Variants in KCND3 observed in about 807,000 individuals in gnomAD.
KCND3 encodes the protein A-type voltage-gated potassium channel KCND3.
Under a neutral mutation model 51.1 loss-of-function variants are expected in KCND3, and 9 were observed. The observed-to-expected ratio is 0.18, with a 90% CI of 0.11 to 0.31. The LOEUF (loss-of-function observed/expected upper bound fraction) is 0.31, where lower values mean the gene tolerates loss of function less well. Among genes scored for constraint, KCND3 ranks in the 10% least tolerant of loss-of-function variants. The pLI, the probability that KCND3 is intolerant of heterozygous loss-of-function variation, is 1.00. For missense variants in KCND3, 526 were observed against 903.8 expected (o/e 0.58, Z 5.36); for synonymous variants, 349 against 368.0 (o/e 0.95, Z 0.59).
At chr1:111,794,935 C>G (rs1664991575) in intron 2 of KCND3, among the ~76,000 whole-genome samples, 1 of 152,208 alleles carries the variant, frequency 6.6e-6, no homozygotes, top group African/African-American at 2.4e-5. Context: ...GACCAGGTCC[C>G]TTTGATTCCA....
At chr1:111,779,271 G>A (rs1664266579) in intron 5 of KCND3, among the ~76,000 whole-genome samples, 1 of 151,842 alleles carries the variant, frequency 6.6e-6, no homozygotes, top group Non-Finnish European at 1.5e-5. Context: ...GACCAGCCTG[G>A]GCAACATAGC....
At chr1:111,877,806 T>C (rs1571782610) in intron 2 of KCND3, among the ~76,000 whole-genome samples, 1 of 152,314 alleles carries the variant, frequency 6.6e-6, no homozygotes, top group Non-Finnish European at 1.5e-5. Context: ...TGGCTGCTAA[T>C]GGGAGCCAGC....
intron 2 of KCND3, among the ~76,000 whole-genome samples, chr1:111,962,015 G>A (rs2101933612): frequency 6.6e-6 from 1 of 152,282 alleles, no homozygotes; most frequent in East Asian, 1.9e-4. Context: ...TTATTTACCA[G>A]TAACAGCTCT....
chr1:111,908,170 A>G (rs1159582206), intron 2 of KCND3, among the ~76,000 whole-genome samples: 1 of 152,116 alleles, frequency 6.6e-6, no homozygotes, highest in Non-Finnish European at 1.5e-5. Context: ...TCAAGATTTG[A>G]CTGACATTTA....
chr1:111,921,814 GAAAA>G (rs1177083328), intron 2 of KCND3, among the ~76,000 whole-genome samples: 9 of 151,846 alleles, frequency 5.9e-5, no homozygotes, highest in South Asian at 4.2e-4. Context: ...TTCATTGCAT[GAAAA>G]AAAAGCTGAA....
chr1:111,982,491 G>T lies in KCND3; in HGVS notation c.236C>A (p.Thr79Asn). Residue 79 changes from threonine to asparagine, a missense_variant, in exon 2 of 8, where the codon ACC (threonine) becomes AAC (asparagine). By Grantham distance (65) the Thr-to-Asn change is moderately conservative (BLOSUM62 0). Coordinates refer to ENST00000302127, the MANE Select transcript of KCND3 (RefSeq NM_001378969.1). This position sits in a 1 kb window ranked among gnomAD's most constrained non-coding sequence, Gnocchi z 8.5. ...GTCCCGGTCGAAGAAGTACTCCTTG[G>T]TGTCCTCGTTGAAGAAGAACTCCTT... is the stretch of plus-strand genomic sequence containing the variant. ...TEKEFFFNED[T>N]KEYFFDRDPE... 1 of 1,608,948 alleles carries T rather than the reference G, an allele frequency of 6.2e-7. No individual in the cohort carries two copies. Among genetic ancestry groups the T allele is most frequent in the Non-Finnish European group, 8.5e-7 (1 of 1,175,942 alleles).
Position 111,771,494 on chromosome 1 carries a change from A to T in KCND3, c.*4583T>A, listed in dbSNP as rs573693237. 1.3e-5 allele frequency: 2 copies of T among 152,324 alleles called. No individual in the cohort carries two copies. Among genetic ancestry groups the T allele is most frequent in the East Asian group, 3.9e-4 (2 of 5,186 alleles). The allele number at this position is 152,324 out of a possible 1,614,324, so 9.4% of individuals were successfully genotyped here. A position where few individuals can be genotyped will look rare whatever the true frequency, so the allele number is the denominator to read the frequency against. On this transcript the variant is annotated 3_prime_UTR_variant, in exon 8 of 8. Coordinates refer to ENST00000302127, the MANE Select transcript of KCND3 (RefSeq NM_001378969.1). The stretch of plus-strand genomic sequence containing the variant: ...TATTTTTGCCTTATAGTTACCTGGT[A>T]ATTGAAGTGGGAGACTGGAAAACTG...
rs624615 is a variant in KCND3 at position 111,877,040 on chromosome 1, G to A, written c.1107-89934C>T. Among the ~76,000 whole-genome samples the A allele has an allele frequency of 8.0e-3, 1,226 of 152,334 alleles. 15 individuals carry two copies. Among genetic ancestry groups the A allele is most frequent in the African/African-American group, 0.028 (1,179 of 41,558 alleles). ...CCAAACACATTTAGAAAAGTGCCTA[G>A]TATGTGCCAGGCTCTGTGCTAAATG... On this transcript the variant is annotated intron_variant, in intron 2 of 7. Coordinates refer to ENST00000302127, the MANE Select transcript of KCND3 (RefSeq NM_001378969.1).
At chr1:111,782,389 A>C (rs1557934303) in intron 3 of KCND3, among the ~76,000 whole-genome samples, 1 of 151,918 alleles carries the variant, frequency 6.6e-6, no homozygotes, top group East Asian at 1.9e-4. Context: ...CTCTTGATGA[A>C]GGAGAGAATA....
intron 2 of KCND3, among the ~76,000 whole-genome samples, chr1:111,952,307 C>A (rs1418192171): frequency 6.6e-6 from 1 of 152,176 alleles, no homozygotes; most frequent in African/African-American, 2.4e-5. Context: ...CCCTACCCAA[C>A]CCTTGCAGGG....
intron 2 of KCND3, among the ~76,000 whole-genome samples, chr1:111,939,251 T>G (rs1377588066): frequency 6.6e-6 from 1 of 152,128 alleles, no homozygotes; most frequent in African/African-American, 2.4e-5. Flanking sequence ...TTAGTATACT[T>G]TAAGTTTTGG....
chr1:111,971,057 C>A (rs1674300519), intron 2 of KCND3, among the ~76,000 whole-genome samples: 1 of 152,154 alleles, frequency 6.6e-6, no homozygotes, highest in Admixed American at 6.5e-5. Flanking sequence ...TCTGGAAGTT[C>A]TGCCAAGAGC....
chr1:111,777,255 C>G lies in KCND3; in HGVS notation c.1537G>C (p.Glu513Gln). 6.2e-7 allele frequency: 1 copy of G among 1,614,122 alleles called. No homozygotes were observed. Among genetic ancestry groups the G allele is most frequent in the Non-Finnish European group, 8.5e-7 (1 of 1,180,020 alleles). Residue 513 changes from glutamate (E) to glutamine (Q), a missense_variant, in exon 7 of 8, where the codon GAG becomes CAG. Glu to Gln is a conservative substitution (Grantham distance 29). Coordinates refer to ENST00000302127, the MANE Select transcript of KCND3 (RefSeq NM_001378969.1). ...ATGCAGTTCTGCTCAAACATCTGCT[C>G]ATCAATAAACTCGTGGTTCTGCGGG... Reference protein sequence around the residue: ...STIKNHEFIDEQMFEQNCMES... With the variant: ...STIKNHEFIDQQMFEQNCMES...
chr1:111,812,787 C>G (rs1665914313), intron 2 of KCND3, among the ~76,000 whole-genome samples: 1 of 152,180 alleles, frequency 6.6e-6, no homozygotes, highest in African/African-American at 2.4e-5. Flanking sequence ...CTATAGGGCA[C>G]AGGGAGCCGG....
At chr1:111,792,164 A>G (rs1180718778) in intron 2 of KCND3, among the ~76,000 whole-genome samples, 1 of 152,238 alleles carries the variant, frequency 6.6e-6, no homozygotes, top group Non-Finnish European at 1.5e-5. Context: ...GTTTGGCCCG[A>G]AGAAGAGGAG....
At chr1:111,818,127 T>A (rs1227455923) in intron 2 of KCND3, among the ~76,000 whole-genome samples, 1 of 152,030 alleles carries the variant, frequency 6.6e-6, no homozygotes. Context: ...GCTGGGCATA[T>A]GAACCTCCCT....
rs189714656 is a variant in KCND3, at chr1:111,895,338, G to A, written c.1106+86283C>T. Among the ~76,000 whole-genome samples the A allele has an allele frequency of 3.7e-3, 562 of 152,140 alleles. 2 individuals carry two copies. The highest frequency in any genetic ancestry group is 0.013 in the African/African-American group (523 of 41,480). ...CAGGGGGAGGCCTTTGGGCAAAAAC[G>A]TCATGCATTTTACATGGCCTTGGCC... On this transcript the variant is annotated intron_variant, in intron 2 of 7. Transcript: ENST00000302127.
At chr1:111,801,998 C>G (rs972113485) in intron 2 of KCND3, among the ~76,000 whole-genome samples, 1 of 152,238 alleles carries the variant, frequency 6.6e-6, no homozygotes, top group Non-Finnish European at 1.5e-5. Context: ...CCTTGCTCTC[C>G]CACTACCCAG....
chr1:111,827,616 T>A (rs1034467404), intron 2 of KCND3, among the ~76,000 whole-genome samples: 12 of 152,194 alleles, frequency 7.9e-5, no homozygotes, highest in African/African-American at 2.4e-4. Flanking sequence ...CATGTAAAGA[T>A]CTTGTAACAA....
Sources: gnomAD v4.1 joint callset for allele counts (sites outside exome capture counted in the v4.1 genomes callset) on GRCh38, gnomAD v4.1.1 for gene constraint, Gnocchi (gnomAD v3.1) non-coding constraint, MANE v1.5 for transcripts, NCBI Gene and HGNC (gene_info 2026-07-23, HGNC 2026-07-21) for gene names.